COL23A1: variants seen among roughly 807,000 people sequenced by gnomAD.
COL23A1 encodes collagen alpha-1(XXIII) chain.
Under a neutral mutation model 99.3 loss-of-function variants are expected in COL23A1, and 97 were observed. The observed-to-expected ratio is 0.98, with a 90% CI of 0.83 to 1.16. The LOEUF is 1.16. Among genes scored for constraint, COL23A1 ranks in the 50% most tolerant of loss-of-function variants. COL23A1 has a pLI of 0.00. For synonymous variants in COL23A1, 320 were observed against 308.2 expected, an observed-to-expected ratio of 1.04 and a Z score of -0.40; for missense variants, 762 against 757.4, an observed-to-expected ratio of 1.01 and a Z score of -0.07.
At chr5:178,567,579 T>C (rs1562097588) in intron 1 of COL23A1, among the ~76,000 whole-genome samples, 1 of 152,044 alleles carries the variant, frequency 6.6e-6, no homozygotes, top group Admixed American at 6.6e-5. Flanking sequence ...CCTGTCTCTA[T>C]TAAAAATACA....
At chr5:178,352,628 C>G (rs1353903933) in intron 2 of COL23A1, among the ~76,000 whole-genome samples, 2 of 152,190 alleles carry the variant, frequency 1.3e-5, no homozygotes, top group Non-Finnish European at 2.9e-5. Context: ...AATGCTGCAC[C>G]CAGCTAAGAG....
chr5:178,241,436 C>T (rs534939878), intron 27 of COL23A1, among the ~76,000 whole-genome samples: 55 of 152,248 alleles, frequency 3.6e-4, no homozygotes, highest in South Asian at 1.7e-3. Flanking sequence ...AGGGGAGGCA[C>T]AGCCAGCCAG....
At position 178,251,170 on chromosome 5, in the gene COL23A1, G is replaced by A. The variant is rs186333032; in HGVS notation, c.1015-1065C>T. Among the ~76,000 whole-genome samples, 444 of 151,768 alleles carry A rather than the reference G, an allele frequency of 2.9e-3. 4 individuals are homozygous for A. The highest frequency in any genetic ancestry group is 0.01 in the African/African-American group (421 of 41,290). ...CCCAAGTAGCTGGGATTACAAGTGC[G>A]CACAACCACACCCAGTTGATTTTTG... On this transcript the variant is annotated intron_variant, in intron 17 of 28. Coordinates refer to ENST00000390654, the MANE Select transcript of COL23A1 (RefSeq NM_173465.4).
chr5:178,507,504 C>G (rs1303315741), intron 2 of COL23A1, among the ~76,000 whole-genome samples: 1 of 152,224 alleles, frequency 6.6e-6, no homozygotes, highest in East Asian at 1.9e-4. Flanking sequence ...ATAATAGTTT[C>G]TAGCTCACAG....
intron 5 of COL23A1, among the ~76,000 whole-genome samples, chr5:178,282,068 AG>A (rs1756931524): frequency 6.6e-6 from 1 of 150,580 alleles, no homozygotes; most frequent in South Asian, 2.1e-4. Flanking sequence ...AAAAAAAAAA[AG>A]ATGGGGTTTT....
chr5:178,361,378 T>C (rs1412535744), intron 2 of COL23A1, among the ~76,000 whole-genome samples: 1 of 152,144 alleles, frequency 6.6e-6, no homozygotes, highest in Non-Finnish European at 1.5e-5. Context: ...TGAGTGAATA[T>C]TGGGTTAAGG....
At chr5:178,391,258 G>C (rs1763947275) in intron 2 of COL23A1, among the ~76,000 whole-genome samples, 1 of 152,186 alleles carries the variant, frequency 6.6e-6, no homozygotes, top group African/African-American at 2.4e-5. Flanking sequence ...GCACCAAAAA[G>C]GTTGGAGACC....
chr5:178,511,316 C>T (rs1428910423), intron 2 of COL23A1, among the ~76,000 whole-genome samples: 6 of 152,112 alleles, frequency 3.9e-5, no homozygotes, highest in Admixed American at 2.0e-4. Flanking sequence ...GAATTAAGAG[C>T]CCAGGTCTCA....
chr5:178,583,226 G>A (rs925522915), intron 1 of COL23A1, among the ~76,000 whole-genome samples: 1 of 152,166 alleles, frequency 6.6e-6, no homozygotes, highest in African/African-American at 2.4e-5. Flanking sequence ...TAAACCCCTA[G>A]AGAACAAGCA....
At chr5:178,394,047 A>T (rs1764102758) in intron 2 of COL23A1, among the ~76,000 whole-genome samples, 1 of 152,192 alleles carries the variant, frequency 6.6e-6, no homozygotes, top group Non-Finnish European at 1.5e-5. Context: ...CCAAGGAAGC[A>T]GGTGCTCAGT....
chr5:178,474,071 C>T (rs1396302757), intron 2 of COL23A1, among the ~76,000 whole-genome samples: 7 of 152,188 alleles, frequency 4.6e-5, no homozygotes, highest in Admixed American at 1.3e-4. Context: ...GCAAGGAACA[C>T]GGAGTTACTC....
At chr5:178,445,167 A>G (rs966601368) in intron 2 of COL23A1, among the ~76,000 whole-genome samples, 1 of 152,242 alleles carries the variant, frequency 6.6e-6, no homozygotes, top group Non-Finnish European at 1.5e-5. Flanking sequence ...AAAATTTGTT[A>G]ATATAACTTA....
chr5:178,523,943 T>C (rs985427614), intron 2 of COL23A1, among the ~76,000 whole-genome samples: 1 of 152,156 alleles, frequency 6.6e-6, no homozygotes, highest in Non-Finnish European at 1.5e-5. Flanking sequence ...ACCTCTCCTA[T>C]CTACGACCCT....
intron 2 of COL23A1, among the ~76,000 whole-genome samples, chr5:178,367,616 G>C (rs1303968560): frequency 6.6e-6 from 1 of 152,176 alleles, no homozygotes; most frequent in East Asian, 1.9e-4. Flanking sequence ...GCTGGGGGCG[G>C]GGTCAAACCA....
chr5:178,354,331 C>T (rs182584595), intron 2 of COL23A1, among the ~76,000 whole-genome samples: 20 of 152,222 alleles, frequency 1.3e-4, no homozygotes, highest in East Asian at 7.7e-4. Flanking sequence ...GCCTCAGCCT[C>T]GAAAATAGCT....
chr5:178,573,060 G>C (rs890329578), intron 1 of COL23A1, among the ~76,000 whole-genome samples: 1 of 152,202 alleles, frequency 6.6e-6, no homozygotes, highest in African/African-American at 2.4e-5. Flanking sequence ...GGATGGAAGG[G>C]AGGGAACTGA....
intron 2 of COL23A1, among the ~76,000 whole-genome samples, chr5:178,435,624 G>C (rs1426487596): frequency 2.0e-5 from 3 of 152,160 alleles, no homozygotes; most frequent in African/African-American, 7.2e-5. Flanking sequence ...TGCATCTCGT[G>C]GGCTTCCCGG....
intron 2 of COL23A1, among the ~76,000 whole-genome samples, chr5:178,391,939 T>C (rs551734999): frequency 2.6e-4 from 40 of 152,226 alleles, no homozygotes; most frequent in Non-Finnish European, 4.9e-4. Context: ...TGCAGGAATC[T>C]TGAAAACATT....
intron 2 of COL23A1, among the ~76,000 whole-genome samples, chr5:178,334,426 CGGCCGGCACA>C (rs1032105833): frequency 9.2e-5 from 14 of 152,102 alleles, no homozygotes; most frequent in African/African-American, 2.9e-4. Context: ...CGGGCGGCAC[CGGCCGGCACA>C]GGCCACCCTC....
Sources: gnomAD v4.1 joint callset for allele counts (sites outside exome capture counted in the v4.1 genomes callset) on GRCh38, gnomAD v4.1.1 for gene constraint, MANE v1.5 for transcripts, NCBI Gene and HGNC (gene_info 2026-07-23, HGNC 2026-07-21) for gene names.